Variants in RBFOX1 observed in about 807,000 individuals in gnomAD.
RBFOX1 encodes RNA binding fox-1 homolog 1, also known as RNA binding protein fox-1 homolog 1.
In RBFOX1, 8 loss-of-function variants were observed where a neutral mutation model predicts 57.7. The observed-to-expected ratio is 0.14, with a 90% CI of 0.08 to 0.25. RBFOX1 has a LOEUF of 0.25. Among genes scored for constraint, RBFOX1 ranks in the 10% least tolerant of loss-of-function variants. The pLI is 1.00. For missense variants in RBFOX1, 611 were observed against 548.5 expected (o/e 1.11, Z -1.14); for synonymous variants, 326 against 222.4 (o/e 1.47, Z -4.15).
At chr16:7,558,542 A>C (rs576189475) in intron 5 of RBFOX1, among the ~76,000 whole-genome samples, 1 of 152,124 alleles carries the variant, frequency 6.6e-6, no homozygotes, top group Admixed American at 6.6e-5. Flanking sequence ...ATGTATATAC[A>C]TATACTTTCT....
intron 2 of RBFOX1, among the ~76,000 whole-genome samples, chr16:6,498,611 AAT>A (rs1478213971): frequency 2.0e-5 from 3 of 152,210 alleles, no homozygotes; most frequent in Non-Finnish European, 4.4e-5. Flanking sequence ...ACAGGTGAGC[AAT>A]ATACAATTAG....
intron 3 of RBFOX1, among the ~76,000 whole-genome samples, chr16:5,728,181 A>G (rs959496578): frequency 1.4e-4 from 21 of 152,264 alleles, no homozygotes; most frequent in Admixed American, 2.6e-4. Context: ...ACTGTTGACA[A>G]TAGCCAAGAT....
intron 3 of RBFOX1, among the ~76,000 whole-genome samples, chr16:6,812,478 A>T (rs1028480790): frequency 3.9e-5 from 6 of 151,960 alleles, no homozygotes; most frequent in Non-Finnish European, 7.4e-5. Flanking sequence ...GGTTCAAGTG[A>T]TTCTCTTGCC....
At chr16:6,518,569 G>A (rs969402787) in intron 2 of RBFOX1, among the ~76,000 whole-genome samples, 5 of 152,132 alleles carry the variant, frequency 3.3e-5, no homozygotes, top group African/African-American at 1.2e-4. Flanking sequence ...CCTGTGCTGG[G>A]AAAACATCCT....
chr16:5,493,191 C>T (rs1452549961), intron 2 of RBFOX1, among the ~76,000 whole-genome samples: 2 of 152,220 alleles, frequency 1.3e-5, no homozygotes, highest in Non-Finnish European at 2.9e-5. Flanking sequence ...ACATAGCTTT[C>T]ATTTTTGCCC....
chr16:6,619,898 C>T (rs766567125), intron 2 of RBFOX1, among the ~76,000 whole-genome samples: 3 of 152,008 alleles, frequency 2.0e-5, no homozygotes, highest in African/African-American at 4.8e-5. Flanking sequence ...TGTGTTGTTC[C>T]CCTCTGTGTG....
intron 2 of RBFOX1, among the ~76,000 whole-genome samples, chr16:5,576,177 G>C (rs1180759409): frequency 6.6e-6 from 1 of 152,042 alleles, no homozygotes; most frequent in Non-Finnish European, 1.5e-5. Context: ...AGTAGAGATG[G>C]GGTTTTACCT....
chr16:7,648,526 A>T (rs1409025761), intron 11 of RBFOX1, among the ~76,000 whole-genome samples: 1 of 152,228 alleles, frequency 6.6e-6, no homozygotes, highest in Non-Finnish European at 1.5e-5. Flanking sequence ...CCTGACCAGG[A>T]AAATTCTTCT....
chr16:6,147,315 CA>C (rs2096765913), intron 1 of RBFOX1, among the ~76,000 whole-genome samples: 1 of 152,164 alleles, frequency 6.6e-6, no homozygotes, highest in South Asian at 2.1e-4. Flanking sequence ...CTCATAAGTA[CA>C]GGCCAGTTTT....
intron 1 of RBFOX1, among the ~76,000 whole-genome samples, chr16:6,126,725 A>G (rs1263705346): frequency 1.3e-5 from 2 of 152,138 alleles, no homozygotes; most frequent in South Asian, 2.1e-4. Context: ...AGAACTCTCT[A>G]AAACCCAAAG....
At chr16:5,758,902 C>T (rs1258191958) in intron 3 of RBFOX1, among the ~76,000 whole-genome samples, 2 of 152,176 alleles carry the variant, frequency 1.3e-5, no homozygotes, top group South Asian at 2.1e-4. Flanking sequence ...ATGAACTTGA[C>T]TCCACTTACC....
intron 3 of RBFOX1, among the ~76,000 whole-genome samples, chr16:5,716,123 G>GT (rs1311751705): frequency 9.9e-5 from 15 of 152,278 alleles, no homozygotes; most frequent in South Asian, 2.1e-4. Flanking sequence ...TTTCACATGT[G>GT]TTTTTTCATT....
At chr16:5,728,278 A>T (rs1239309882) in intron 3 of RBFOX1, among the ~76,000 whole-genome samples, 1 of 152,254 alleles carries the variant, frequency 6.6e-6, no homozygotes, top group East Asian at 1.9e-4. Context: ...TATTTAGCCT[A>T]TAAAAAGAAG....
At chr16:7,491,953 A>T (rs2067107776) in intron 4 of RBFOX1, among the ~76,000 whole-genome samples, 1 of 152,150 alleles carries the variant, frequency 6.6e-6, no homozygotes, top group Non-Finnish European at 1.5e-5. Flanking sequence ...CATTCTGAAT[A>T]TTGATGATTA....
At chr16:7,023,195 G>A (rs988011123) in intron 3 of RBFOX1, among the ~76,000 whole-genome samples, 14 of 151,982 alleles carry the variant, frequency 9.2e-5, no homozygotes, top group Non-Finnish European at 1.9e-4. Flanking sequence ...GAAATGAATG[G>A]GCTGGGCATG....
intron 3 of RBFOX1, among the ~76,000 whole-genome samples, chr16:6,948,579 A>T (rs1278124135): frequency 6.6e-6 from 1 of 151,494 alleles, no homozygotes; most frequent in African/African-American, 2.4e-5. Flanking sequence ...ACAGGGTTTC[A>T]CCATGTTGGC....
intron 3 of RBFOX1, among the ~76,000 whole-genome samples, chr16:6,966,127 C>T (rs778865508): frequency 1.3e-5 from 2 of 152,136 alleles, no homozygotes; most frequent in Non-Finnish European, 2.9e-5. Context: ...CTAAAAAGCA[C>T]ATAAGGCATG....
chr16:7,124,620 C>T (rs2068022897), intron 4 of RBFOX1, among the ~76,000 whole-genome samples: 1 of 145,358 alleles, frequency 6.9e-6, no homozygotes, highest in Admixed American at 7.2e-5. Context: ...ATGTCTTCAC[C>T]AATAGGGCAA....
intron 2 of RBFOX1, among the ~76,000 whole-genome samples, chr16:6,589,577 G>A (rs1410535760): frequency 2.0e-5 from 3 of 152,208 alleles, no homozygotes; most frequent in Non-Finnish European, 4.4e-5. Context: ...TTTTACAATA[G>A]TGGTGTTATC....
Sources: allele counts gnomAD v4.1 joint callset (sites outside exome capture counted in the v4.1 genomes callset), GRCh38; gene constraint gnomAD v4.1.1; transcripts MANE v1.5; gene names NCBI Gene and HGNC (gene_info 2026-07-23, HGNC 2026-07-21).